The following CDK14 variants were observed in gnomAD, a reference collection of about 807,000 sequenced individuals.
CDK14 encodes cyclin dependent kinase 14.
In CDK14, 34 loss-of-function variants were observed where a neutral mutation model predicts 60.7. That is an observed-to-expected ratio of 0.56 (90% confidence interval 0.43 to 0.75). The LOEUF (loss-of-function observed/expected upper bound fraction) is 0.75. CDK14 is among the 30% of genes least tolerant of loss of function. CDK14 has a pLI of 0.00. For missense variants in CDK14, 482 were observed against 564.1 expected, an observed-to-expected ratio of 0.85 and a Z score of 1.47; for synonymous variants, 197 against 203.7, an observed-to-expected ratio of 0.97 and a Z score of 0.28.
At chr7:90,602,871 C>T (rs915272317) in intron 1 of CDK14, among the ~76,000 whole-genome samples, 1 of 152,192 alleles carries the variant, frequency 6.6e-6, no homozygotes. Flanking sequence ...CCTGCATCCC[C>T]CTTAACTCAC....
At chr7:91,019,696 C>G (rs949538033) in intron 10 of CDK14, among the ~76,000 whole-genome samples, 3 of 151,984 alleles carry the variant, frequency 2.0e-5, no homozygotes, top group African/African-American at 7.3e-5. Flanking sequence ...ATCATAAATC[C>G]TAAAAGCTGC....
intron 14 of CDK14, among the ~76,000 whole-genome samples, chr7:91,135,184 G>A (rs1193333505): frequency 6.6e-6 from 1 of 151,636 alleles, no homozygotes; most frequent in East Asian, 1.9e-4. Context: ...TGTTACCAGG[G>A]AGGAACAAAA....
At chr7:90,932,397 G>A (rs1019342426) in intron 8 of CDK14, among the ~76,000 whole-genome samples, 1 of 152,166 alleles carries the variant, frequency 6.6e-6, no homozygotes, top group African/African-American at 2.4e-5. Flanking sequence ...CAAAATAATT[G>A]TTAAAATTAG....
At chr7:91,012,089 A>G (rs1357301228) in intron 10 of CDK14, among the ~76,000 whole-genome samples, 1 of 152,160 alleles carries the variant, frequency 6.6e-6, no homozygotes, top group South Asian at 2.1e-4. Context: ...TGTTCAAGTT[A>G]CTTGAAACTG....
At chr7:91,068,525 A>G (rs559716170) in intron 11 of CDK14, among the ~76,000 whole-genome samples, 46 of 152,306 alleles carry the variant, frequency 3.0e-4, no homozygotes, top group African/African-American at 1.1e-3. Flanking sequence ...GAAATTCCAC[A>G]TCTTTGTAAC....
chr7:90,734,260 C>T (rs1051736344), intron 3 of CDK14, among the ~76,000 whole-genome samples: 1 of 152,050 alleles, frequency 6.6e-6, no homozygotes, highest in Non-Finnish European at 1.5e-5. Context: ...TTCATTTCAG[C>T]CTTGGTGACT....
intron 14 of CDK14, among the ~76,000 whole-genome samples, chr7:91,184,892 G>A (rs1437806680): frequency 6.6e-6 from 1 of 151,796 alleles, no homozygotes; most frequent in Non-Finnish European, 1.5e-5. Context: ...GTAGGGTTGG[G>A]GTCGGTCATG....
chr7:90,692,311 C>T (rs1345502894), intron 2 of CDK14, among the ~76,000 whole-genome samples: 1 of 152,028 alleles, frequency 6.6e-6, no homozygotes, highest in Non-Finnish European at 1.5e-5. Context: ...TTTCTATATT[C>T]CAAGGACTTA....
At chr7:91,107,444 T>TA (rs1799337959) in intron 12 of CDK14, 1 of 152,226 alleles carries the variant, frequency 6.6e-6, no homozygotes, top group African/African-American at 2.4e-5. Context: ...TGAAGCAACT[T>TA]ACAATACTGC....
rs202143669 is a variant in CDK14 at position 90,955,739 on chromosome 7, A to G, written c.869A>G (p.Asn290Ser). Residue 290 changes from asparagine (N) to serine (S), a missense_variant, in exon 9 of 15, where the codon AAC (asparagine) becomes AGC (serine). Transcript: ENST00000380050. ...TCCGTCCCTAGCCACACATACTCCA[A>G]CGAAGTGGTTACCTTGTGGTACAGA... Reference protein sequence around the residue: ...AKSVPSHTYSNEVVTLWYRPP... With the variant: ...AKSVPSHTYSSEVVTLWYRPP... 1.2e-5 allele frequency: 19 copies of G among 1,613,364 alleles called. No individual in the cohort carries two copies. The highest frequency in any genetic ancestry group is 1.6e-4 in the Middle Eastern group (1 of 6,076).
intron 8 of CDK14, among the ~76,000 whole-genome samples, chr7:90,925,407 A>G (rs1472441529): frequency 1.3e-5 from 2 of 152,228 alleles, no homozygotes; most frequent in African/African-American, 2.4e-5. Context: ...TATCATGCGA[A>G]TGGAATAACT....
chr7:90,725,492 C>T (rs1054368516), intron 2 of CDK14, among the ~76,000 whole-genome samples: 1 of 152,130 alleles, frequency 6.6e-6, no homozygotes, highest in African/African-American at 2.4e-5. Context: ...CTCAACCAAC[C>T]ACGGACCCAA....
intron 2 of CDK14, among the ~76,000 whole-genome samples, chr7:90,713,007 C>T (rs60280093): frequency 0.014 from 2,138 of 152,144 alleles, 47 homozygotes; most frequent in African/African-American, 0.048. Flanking sequence ...CCTTCTTTTA[C>T]TCCCCACCCC....
At chr7:90,760,582 G>A (rs1418129330) in intron 4 of CDK14, among the ~76,000 whole-genome samples, 1 of 152,122 alleles carries the variant, frequency 6.6e-6, no homozygotes, top group East Asian at 1.9e-4. Flanking sequence ...TTTCTCCTTA[G>A]GTCTGCTCTG....
At chr7:90,702,257 T>C (rs942492104) in intron 2 of CDK14, among the ~76,000 whole-genome samples, 3 of 152,160 alleles carry the variant, frequency 2.0e-5, no homozygotes, top group Non-Finnish European at 2.9e-5. Flanking sequence ...GCAAAAAGGA[T>C]TCGACTAATA....
At chr7:90,808,587 T>C (rs1390205317) in intron 5 of CDK14, among the ~76,000 whole-genome samples, 2 of 152,162 alleles carry the variant, frequency 1.3e-5, no homozygotes, top group Non-Finnish European at 2.9e-5. Flanking sequence ...GCTAACATCA[T>C]AATGACAGGA....
chr7:91,077,561 A>G (rs1798362002), intron 11 of CDK14, among the ~76,000 whole-genome samples: 1 of 152,080 alleles, frequency 6.6e-6, no homozygotes, highest in Non-Finnish European at 1.5e-5. Flanking sequence ...TAAAACCTAG[A>G]TGACGGGTAG....
chr7:90,780,179 C>G (rs1007725913), intron 4 of CDK14, among the ~76,000 whole-genome samples: 3 of 152,234 alleles, frequency 2.0e-5, no homozygotes, highest in Non-Finnish European at 4.4e-5. Context: ...TTCTGTCTTT[C>G]CGTCTTCATT....
intron 6 of CDK14, among the ~76,000 whole-genome samples, chr7:90,876,556 C>T (rs374476784): frequency 2.3e-4 from 35 of 152,284 alleles, no homozygotes; most frequent in South Asian, 1.2e-3. Context: ...GATTGTTCTC[C>T]GCATAAGCAG....
Sources: gnomAD v4.1 joint callset for allele counts (sites outside exome capture counted in the v4.1 genomes callset) on GRCh38, gnomAD v4.1.1 for gene constraint, MANE v1.5 for transcripts, NCBI Gene and HGNC (gene_info 2026-07-23, HGNC 2026-07-21) for gene names.